The following SV2C variants were observed in gnomAD, a reference collection of about 807,000 sequenced individuals.
SV2C encodes solute carrier family 22 member B3.
Under a neutral mutation model 79.7 loss-of-function variants are expected in SV2C, and 49 were observed. That is an observed-to-expected ratio of 0.61 (90% CI 0.49 to 0.78). SV2C has a LOEUF of 0.78. Ranked by LOEUF, SV2C falls within the 30% of genes least tolerant of loss-of-function variation. SV2C has a pLI of 0.00. For missense variants in SV2C, 833 were observed against 912.9 expected (o/e 0.91, Z 1.13); for synonymous variants, 334 against 333.2 (o/e 1.00, Z -0.03).
At chr5:75,997,048 T>TC in the SV2C span, among the ~76,000 whole-genome samples, 173 of 150,414 alleles carry the variant, frequency 1.2e-3, 1 homozygote, top group African/African-American at 4.0e-3. Context: ...AGAGAGGGCA[T>TC]CCCTGTCTTG....
chr5:76,100,430 A>G (rs1307616879), intron 1 of SV2C, among the ~76,000 whole-genome samples: 1 of 152,240 alleles, frequency 6.6e-6, no homozygotes, highest in Non-Finnish European at 1.5e-5. Context: ...CTAGTGATTT[A>G]ATAACAGTCT....
the SV2C span, among the ~76,000 whole-genome samples, chr5:76,034,652 A>G: frequency 6.6e-6 from 1 of 152,170 alleles, no homozygotes; most frequent in Non-Finnish European, 1.5e-5. Flanking sequence ...TTGGTTTGCC[A>G]GTATTTTATT....
At chr5:76,245,190 A>C (rs1486606410) in intron 4 of SV2C, among the ~76,000 whole-genome samples, 1 of 152,198 alleles carries the variant, frequency 6.6e-6, no homozygotes, top group Non-Finnish European at 1.5e-5. Context: ...TATAAACTTC[A>C]TGTGGCCAGG....
At position 76,100,736 on chromosome 5, in the gene SV2C, G is replaced by T. The variant is rs1255763093; in HGVS notation, c.-102+17224G>T. On this transcript the variant is annotated intron_variant, in intron 1 of 12. Transcript: ENST00000502798. The stretch of plus-strand genomic sequence containing the variant: ...CAGTAAAAGAAGTCCAGAACTCCAT[G>T]GTGGTTTGAAGGCAACAGTCTGGTG... Among the ~76,000 whole-genome samples, 3 of 152,134 alleles carry T rather than the reference G, an allele frequency of 2.0e-5. No individual in the cohort carries two copies. In the East Asian group the frequency reaches 5.8e-4, roughly 29 times the overall value.
At chr5:76,113,344 T>C (rs1748153802) in intron 1 of SV2C, among the ~76,000 whole-genome samples, 1 of 152,228 alleles carries the variant, frequency 6.6e-6, no homozygotes, top group African/African-American at 2.4e-5. Context: ...GGCTGTACCT[T>C]TAGTTCTTGT....
intron 4 of SV2C, among the ~76,000 whole-genome samples, chr5:76,267,212 A>G (rs778161958): frequency 6.6e-6 from 1 of 152,174 alleles, no homozygotes; most frequent in East Asian, 1.9e-4. Context: ...TTCTAATTCT[A>G]TTTTTAAAAT....
chr5:75,877,035 A>G, the SV2C span, among the ~76,000 whole-genome samples: 1 of 152,128 alleles, frequency 6.6e-6, no homozygotes, highest in African/African-American at 2.4e-5. Flanking sequence ...ATCCAACTCT[A>G]TGCTATCTAC....
intron 12 of SV2C, among the ~76,000 whole-genome samples, chr5:76,313,821 C>CAACA (rs1748535022): frequency 6.6e-6 from 1 of 152,154 alleles, no homozygotes; most frequent in African/African-American, 2.4e-5. Flanking sequence ...CCAATCATTG[C>CAACA]TTATACAGAA....
chr5:76,019,022 C>G, the SV2C span, among the ~76,000 whole-genome samples: 2 of 152,134 alleles, frequency 1.3e-5, no homozygotes, highest in Non-Finnish European at 2.9e-5. Context: ...TAGGAGATCA[C>G]CTTTTCACCT....
the SV2C span, among the ~76,000 whole-genome samples, chr5:75,930,904 T>C: frequency 1.3e-5 from 2 of 152,162 alleles, no homozygotes; most frequent in South Asian, 4.2e-4. Flanking sequence ...GAGGCTGAAG[T>C]GGGTGGATTG....
At chr5:76,013,685 T>G in the SV2C span, among the ~76,000 whole-genome samples, 2 of 152,048 alleles carry the variant, frequency 1.3e-5, no homozygotes, top group African/African-American at 4.8e-5. Context: ...AAGAAAGTAA[T>G]TTATAAAAAT....
intron 1 of SV2C, chr5:76,091,836 C>G (rs1001880905): frequency 6.6e-6 from 1 of 152,080 alleles, no homozygotes; most frequent in Non-Finnish European, 1.5e-5. Flanking sequence ...TAATCATGCT[C>G]AGAGGTATCA....
intron 2 of SV2C, among the ~76,000 whole-genome samples, chr5:76,167,047 GCCCTGACACAATT>G (rs1375611844): frequency 1.3e-5 from 2 of 152,136 alleles, no homozygotes; most frequent in Admixed American, 1.3e-4. Flanking sequence ...CTCTTAGCCA[GCCCTGACACAATT>G]ACATAGTGAT....
the SV2C span, among the ~76,000 whole-genome samples, chr5:75,913,897 A>C: frequency 6.6e-6 from 1 of 152,212 alleles, no homozygotes; most frequent in Non-Finnish European, 1.5e-5. Context: ...CCAGGGAAGA[A>C]ATATTTTTAT....
At chr5:76,036,262 T>G in the SV2C span, among the ~76,000 whole-genome samples, 10 of 152,262 alleles carry the variant, frequency 6.6e-5, no homozygotes, top group South Asian at 2.1e-3. Context: ...TTAATATTAT[T>G]ATGTGTGAAT....
chr5:75,988,473 A>T, the SV2C span, among the ~76,000 whole-genome samples: 1 of 152,016 alleles, frequency 6.6e-6, no homozygotes, highest in Non-Finnish European at 1.5e-5. Context: ...GCTGACCTGG[A>T]GGGAAATCTG....
intron 4 of SV2C, among the ~76,000 whole-genome samples, chr5:76,247,806 A>T (rs971147042): frequency 4.6e-5 from 7 of 152,246 alleles, no homozygotes; most frequent in African/African-American, 1.7e-4. Flanking sequence ...AAGCCTCTAC[A>T]ATGCCATATC....
intron 4 of SV2C, among the ~76,000 whole-genome samples, chr5:76,228,637 G>C (rs1479042233): frequency 6.6e-6 from 1 of 152,050 alleles, no homozygotes; most frequent in Non-Finnish European, 1.5e-5. Flanking sequence ...TGAGAGTAGG[G>C]GAGAAACACC....
chr5:76,093,536 G>A (rs1747447677), intron 1 of SV2C, among the ~76,000 whole-genome samples: 1 of 152,158 alleles, frequency 6.6e-6, no homozygotes, highest in Non-Finnish European at 1.5e-5. Context: ...TGACCTCCAT[G>A]CCTTGTCCAG....
Sources: allele counts gnomAD v4.1 joint callset (sites outside exome capture counted in the v4.1 genomes callset), GRCh38; gene constraint gnomAD v4.1.1; transcripts MANE v1.5; gene names NCBI Gene and HGNC (gene_info 2026-07-23, HGNC 2026-07-21).